HDAC4: variants seen among roughly 807,000 people sequenced by gnomAD.
HDAC4 encodes the protein histone deacetylase A.
Under a neutral mutation model 135.1 loss-of-function variants are expected in HDAC4, and 16 were observed. The ratio of observed to expected loss-of-function variants is 0.12; its 90% confidence interval spans 0.08 to 0.18. The LOEUF is 0.18. HDAC4 is among the 10% of genes least tolerant of loss of function. The pLI, the probability that HDAC4 is intolerant of heterozygous loss-of-function variation, is 1.00. For missense variants in HDAC4, 1,143 were observed against 1,511.8 expected, an observed-to-expected ratio of 0.76 and a Z score of 4.05; for synonymous variants, 685 against 653.4, an observed-to-expected ratio of 1.05 and a Z score of -0.74.
chr2:239,288,217 C>T (rs1030344896), intron 2 of HDAC4, among the ~76,000 whole-genome samples: 1 of 152,114 alleles, frequency 6.6e-6, no homozygotes, highest in Middle Eastern at 3.2e-3. Context: ...GGAAGTTTAA[C>T]AGAAAATTAG....
chr2:239,070,307 A>C (rs186723860), intron 22 of HDAC4, among the ~76,000 whole-genome samples: 2 of 152,392 alleles, frequency 1.3e-5, no homozygotes, highest in East Asian at 3.9e-4. Context: ...CAAATGTAAG[A>C]GAATTCACTG....
chr2:239,150,878 A>G (rs2042080814), intron 7 of HDAC4, among the ~76,000 whole-genome samples: 1 of 151,506 alleles, frequency 6.6e-6, no homozygotes, highest in South Asian at 2.1e-4. Flanking sequence ...GCACCTCCGT[A>G]TGTACCACAC....
At chr2:239,136,678 A>G (rs1212033736) in intron 9 of HDAC4, among the ~76,000 whole-genome samples, 1 of 152,242 alleles carries the variant, frequency 6.6e-6, no homozygotes, top group Non-Finnish European at 1.5e-5. Flanking sequence ...CGGGAACTCC[A>G]GCAACTCACC....
At chr2:239,295,483 A>C (rs1559338992) in intron 2 of HDAC4, among the ~76,000 whole-genome samples, 3 of 152,172 alleles carry the variant, frequency 2.0e-5, no homozygotes, top group Non-Finnish European at 4.4e-5. Context: ...CCAGGGTGAC[A>C]GGACTAGGAG....
At chr2:239,059,911 A>AC (rs1459024092) in intron 24 of HDAC4, among the ~76,000 whole-genome samples, 11 of 152,154 alleles carry the variant, frequency 7.2e-5, no homozygotes, top group African/African-American at 2.6e-4. Flanking sequence ...CCTTGGACCC[A>AC]CCCACCAGCC....
At chr2:239,161,734 C>G (rs2042804950) in intron 6 of HDAC4, 1 of 392,302 alleles carries the variant, frequency 2.5e-6, no homozygotes, top group Non-Finnish European at 5.0e-6. Flanking sequence ...CTTGTCCAGG[C>G]CAAGACACTC....
chr2:239,336,237 G>T (rs569622345), intron 2 of HDAC4, among the ~76,000 whole-genome samples: 1 of 152,292 alleles, frequency 6.6e-6, no homozygotes, highest in Admixed American at 6.5e-5. Context: ...AACTGAGAGA[G>T]GACATATACG....
intron 2 of HDAC4, among the ~76,000 whole-genome samples, chr2:239,243,315 G>C (rs2048295898): frequency 6.6e-6 from 1 of 152,092 alleles, no homozygotes; most frequent in Admixed American, 6.5e-5. Context: ...ACCAAGCCCA[G>C]CTAGTATTTT....
intron 2 of HDAC4, among the ~76,000 whole-genome samples, chr2:239,281,937 C>T (rs1194310410): frequency 6.6e-6 from 1 of 150,444 alleles, no homozygotes; most frequent in Non-Finnish European, 1.5e-5. Flanking sequence ...GTACACACCA[C>T]TCTGCAAACA....
At chr2:239,321,170 T>C (rs1419867844) in intron 2 of HDAC4, among the ~76,000 whole-genome samples, 3 of 152,168 alleles carry the variant, frequency 2.0e-5, no homozygotes, top group African/African-American at 7.2e-5. Flanking sequence ...CTAAGCTTCA[T>C]AAGATTAGCT....
At chr2:239,144,276 C>T (rs2041605974) in intron 8 of HDAC4, among the ~76,000 whole-genome samples, 1 of 152,184 alleles carries the variant, frequency 6.6e-6, no homozygotes, top group Non-Finnish European at 1.5e-5. Flanking sequence ...TCAGAGGAGC[C>T]TCAACTCAAG....
chr2:239,269,265 ACATT>A (rs991516211), intron 2 of HDAC4, among the ~76,000 whole-genome samples: 13 of 138,128 alleles, frequency 9.4e-5, no homozygotes, highest in African/African-American at 4.0e-4. Flanking sequence ...ACACACCCAC[ACATT>A]CACACACCCA....
In HDAC4 at chr2:239,349,231, A is replaced by G. The variant is rs1692943778; in HGVS notation, c.22+3447T>C. On this transcript the variant is annotated intron_variant, in intron 2 of 26. Transcript: ENST00000543185. This position sits in a 1 kb window ranked among gnomAD's most constrained non-coding sequence, Gnocchi z 5.7. Reference sequence around the variant, plus strand: ...ACAGGGCCAGCTAGCAGAGGACGGCACGAGAGACACACGGAGGGAGGGGAG... The same window carrying G: ...ACAGGGCCAGCTAGCAGAGGACGGCGCGAGAGACACACGGAGGGAGGGGAG... Among the ~76,000 whole-genome samples the G allele has an allele frequency of 6.6e-6, 1 of 152,152 alleles. No homozygotes were observed. Among genetic ancestry groups the G allele is most frequent in the African/African-American group, 2.4e-5 (1 of 41,442 alleles).
chr2:239,301,474 T>TA (rs2052264006), intron 2 of HDAC4, among the ~76,000 whole-genome samples: 1 of 144,298 alleles, frequency 6.9e-6, no homozygotes, highest in Admixed American at 7.3e-5. Flanking sequence ...TTTCTTTCTT[T>TA]TTTTTTTTTT....
chr2:239,325,596 T>C (rs2053445248), intron 2 of HDAC4, among the ~76,000 whole-genome samples: 1 of 152,214 alleles, frequency 6.6e-6, no homozygotes, highest in African/African-American at 2.4e-5. Flanking sequence ...GTGAAGAAAT[T>C]GGAACCCTCA....
chr2:239,130,191 G>A (rs894139454), intron 11 of HDAC4, among the ~76,000 whole-genome samples: 7 of 152,190 alleles, frequency 4.6e-5, no homozygotes, highest in African/African-American at 1.4e-4. Flanking sequence ...CTCTGGATTC[G>A]CTTGGACCAA....
rs1575159969 is a variant in HDAC4 at position 239,139,044 on chromosome 2, C to A, written c.978+640G>T. ...CCAATGTCCCTCCCAGACTGTGGCA[C>A]CACTTGGGGTCTGATGAAGGCAGGG... On this transcript the variant is annotated intron_variant, in intron 9 of 26. Transcript: ENST00000543185. The surrounding 1 kb of genome is among the most constrained non-coding windows in gnomAD (Gnocchi z 5.3). Among the ~76,000 whole-genome samples, 1 of 152,296 alleles carries A rather than the reference C, an allele frequency of 6.6e-6. No individual in the cohort carries two copies. Among genetic ancestry groups the A allele is most frequent in the African/African-American group, 2.4e-5 (1 of 41,552 alleles).
chr2:239,243,808 T>A (rs927505544), intron 2 of HDAC4, among the ~76,000 whole-genome samples: 1 of 152,192 alleles, frequency 6.6e-6, no homozygotes, highest in Non-Finnish European at 1.5e-5. Flanking sequence ...GCACCCTCCA[T>A]GCCCTACAAC....
chr2:239,087,785 T>G (rs575655927), intron 18 of HDAC4, among the ~76,000 whole-genome samples, 171 bp from the exon 19 acceptor site: 1 of 152,338 alleles, frequency 6.6e-6, no homozygotes, highest in East Asian at 1.9e-4. Context: ...GCTGGGAGCC[T>G]TTCCGGGAAG....
Sources: gnomAD v4.1 joint callset for allele counts (sites outside exome capture counted in the v4.1 genomes callset) on GRCh38, gnomAD v4.1.1 for gene constraint, Gnocchi (gnomAD v3.1) non-coding constraint, MANE v1.5 for transcripts, NCBI Gene and HGNC (gene_info 2026-07-23, HGNC 2026-07-21) for gene names.